Variants in MCF2L2 observed in about 807,000 individuals in gnomAD.
MCF2L2 encodes MCF.2 cell line derived transforming sequence-like 2.
MCF2L2 carries 102 observed loss-of-function variants against 150.2 expected under a neutral mutation model. That is an observed-to-expected ratio of 0.68 (90% confidence interval 0.58 to 0.80). MCF2L2 has a LOEUF of 0.80. Ranked by LOEUF, MCF2L2 falls within the 30% of genes least tolerant of loss-of-function variation. The probability of loss-of-function intolerance (pLI) is 0.00; values close to 1 mark genes in which losing one functional copy is unlikely to be tolerated. For missense variants in MCF2L2, 1,256 were observed against 1,372.8 expected, an observed-to-expected ratio of 0.91 and a Z score of 1.34; for synonymous variants, 465 against 491.3, an observed-to-expected ratio of 0.95 and a Z score of 0.71.
At chr3:183,271,502 C>T (rs965196331) in intron 15 of MCF2L2, 1 of 167,092 alleles carries the variant, frequency 6.0e-6, no homozygotes, top group African/African-American at 2.4e-5. Context: ...TCACGTCTTA[C>T]CACATCCATG....
chr3:183,395,917 C>CAAA (rs11338932), intron 1 of MCF2L2, among the ~76,000 whole-genome samples: 77 of 58,038 alleles, frequency 1.3e-3, no homozygotes, highest in African/African-American at 3.4e-3. Context: ...GACATCGTCT[C>CAAA]AAAAAAAAAA....
intron 1 of MCF2L2, among the ~76,000 whole-genome samples, chr3:183,405,293 G>T (rs1403618700): frequency 6.6e-6 from 1 of 152,128 alleles, no homozygotes; most frequent in Non-Finnish European, 1.5e-5. Context: ...ATTGAACAAT[G>T]AGCATGTATT....
chr3:183,219,754 G>A lies in MCF2L2; in HGVS notation c.2370+102C>T, dbSNP rs1411891979. On this transcript the variant is annotated intron_variant, in intron 21 of 29. Transcript: ENST00000328913. ...GATACATACTATTTTAGAAAATCTA[G>A]ATAATAAAGACCACCAAGTAAAATT... is the stretch of plus-strand genomic sequence containing the variant. 7 of 750,984 alleles carry A rather than the reference G, an allele frequency of 9.3e-6. No individual in the cohort carries two copies. In the East Asian group the frequency reaches 2.0e-4, roughly 21 times the overall value. The allele number at this position is 750,984 out of a possible 1,614,324, so 46.5% of individuals were successfully genotyped here. A position where few individuals can be genotyped will look rare whatever the true frequency, so the allele number is the denominator to read the frequency against.
chr3:183,399,999 T>A (rs1714655561), intron 1 of MCF2L2, among the ~76,000 whole-genome samples: 1 of 152,192 alleles, frequency 6.6e-6, no homozygotes, highest in South Asian at 2.1e-4. Context: ...TAAGTAGTTA[T>A]CTCATTGGTA....
intron 2 of MCF2L2, 128 bp downstream of exon 2, chr3:183,389,568 T>C (rs1027612961): frequency 1.9e-5 from 14 of 741,142 alleles, no homozygotes; most frequent in Non-Finnish European, 3.3e-5. Context: ...CAGCCTGTTC[T>C]AGTCCCGGGT....
intron 7 of MCF2L2, among the ~76,000 whole-genome samples, chr3:183,315,504 G>T (rs552364118): frequency 1.3e-5 from 2 of 152,132 alleles, no homozygotes; most frequent in Non-Finnish European, 2.9e-5. Flanking sequence ...TGGATAGGGG[G>T]TGTTTAACCA....
At chr3:183,344,147 C>CA (rs1577077870) in intron 3 of MCF2L2, among the ~76,000 whole-genome samples, 1 of 151,682 alleles carries the variant, frequency 6.6e-6, no homozygotes, top group African/African-American at 2.4e-5. Context: ...CCACCCCCCC[C>CA]AAAAAAAGTA....
intron 1 of MCF2L2, among the ~76,000 whole-genome samples, chr3:183,405,441 G>A (rs1714993946): frequency 6.6e-6 from 1 of 151,830 alleles, no homozygotes; most frequent in East Asian, 2.0e-4. Flanking sequence ...GACACAATCA[G>A]GATACAATAT....
chr3:183,286,128 TG>T (rs892541462), intron 14 of MCF2L2, among the ~76,000 whole-genome samples: 1 of 152,276 alleles, frequency 6.6e-6, no homozygotes. Flanking sequence ...AGAACCAGCA[TG>T]GCAAGGATCA....
intron 11 of MCF2L2, chr3:183,297,470 A>T (rs12696500): frequency 0.65 from 180,952 of 279,060 alleles, 57,997 homozygotes; most frequent in South Asian, 0.7. Flanking sequence ...ATATTTAATT[A>T]AAGACAGGGT....
rs373941574 is a variant in MCF2L2 at position 183,352,643 on chromosome 3, G to T, written c.276-11013C>A. Among the ~76,000 whole-genome samples the T allele has an allele frequency of 2.6e-5, 4 of 152,322 alleles. No individual in the cohort carries two copies. In the East Asian group the frequency reaches 7.7e-4, roughly 29 times the overall value. Reference sequence around the variant, plus strand: ...TCCACTGCACAGGAAAGCCAGCAAAGAACAGCGCTTTGAGGGACATCAGTA... The same window carrying T: ...TCCACTGCACAGGAAAGCCAGCAAATAACAGCGCTTTGAGGGACATCAGTA... On this transcript the variant is annotated intron_variant, in intron 3 of 29. Coordinates refer to ENST00000328913, the MANE Select transcript of MCF2L2 (RefSeq NM_015078.4).
At chr3:183,402,799 A>T (rs907454734) in intron 1 of MCF2L2, among the ~76,000 whole-genome samples, 1 of 152,042 alleles carries the variant, frequency 6.6e-6, no homozygotes, top group South Asian at 2.1e-4. Flanking sequence ...AGGCATTGCC[A>T]ATCAATGAAA....
At chr3:183,340,508 A>G (rs1057397360) in intron 4 of MCF2L2, among the ~76,000 whole-genome samples, 2 of 152,168 alleles carry the variant, frequency 1.3e-5, no homozygotes, top group Admixed American at 1.3e-4. Context: ...CTGAAAGACA[A>G]CAGATAGGGA....
At chr3:183,388,834 A>G (rs1713976258) in intron 2 of MCF2L2, among the ~76,000 whole-genome samples, 1 of 152,212 alleles carries the variant, frequency 6.6e-6, no homozygotes, top group Non-Finnish European at 1.5e-5. Flanking sequence ...AGCAGATTAA[A>G]TGTGATTTGG....
At chr3:183,412,047 T>TG (rs1237721578) in intron 1 of MCF2L2, among the ~76,000 whole-genome samples, 1 of 152,194 alleles carries the variant, frequency 6.6e-6, no homozygotes, top group African/African-American at 2.4e-5. Flanking sequence ...GAAGCCAGAA[T>TG]GCTAGAAGGA....
chr3:183,229,680 G>T lies in MCF2L2; in HGVS notation c.2031C>A (p.Tyr677Ter). Residue 677 changes from tyrosine to a stop codon, truncating the protein, a stop_gained, in exon 17 of 30, where the codon TAC becomes TAA. Coordinates refer to ENST00000328913, the MANE Select transcript of MCF2L2 (RefSeq NM_015078.4). LOFTEE classifies it high-confidence loss of function. ...TTATTATATACCTGTTGTGAAATTCGTAAAGTTCTCTAATATTCCCAAAGA... is the reference window on the plus strand; with the variant it reads ...TTATTATATACCTGTTGTGAAATTCTTAAAGTTCTCTAATATTCCCAAAGA... ...DFLFGNIRELYEFHNRTFLKE... is the reference protein window; with the variant it reads ...DFLFGNIREL The T allele has an allele frequency of 6.5e-7, 1 of 1,528,884 alleles. No homozygotes were observed. The allele number at this position is 1,528,884 out of a possible 1,614,324, so 94.7% of individuals were successfully genotyped here.
rs1730696408 is a variant in MCF2L2, at chr3:183,341,576, C to T, written c.330G>A (p.Lys110=). 6.2e-7 allele frequency: 1 copy of T among 1,614,002 alleles called. No homozygotes were observed. The highest frequency in any genetic ancestry group is 1.3e-5 in the African/African-American group (1 of 74,934). The part of the protein sequence containing the change: ...FIVVIDRRRD[K]WSSVKASLTR... ...TCAAGGATGCCTTTACGGAGCTCCA[C>T]TTGTCTCTTCGTCTGTCGATAACAA... The change falls in exon 4 of 30, where the codon AAG becomes AAA. Residue 110 remains lysine (K), a synonymous_variant. Coordinates refer to ENST00000328913, the MANE Select transcript of MCF2L2 (RefSeq NM_015078.4).
At chr3:183,276,992 T>C in intron 14 of MCF2L2, 35 bp from the exon 15 acceptor site, 2 of 1,353,030 alleles carry the variant, frequency 1.5e-6, no homozygotes, top group Non-Finnish European at 2.1e-6. Flanking sequence ...GATTTGATAT[T>C]GTAGGGACCT....
At chr3:183,223,462 C>T (rs1560351537) in intron 19 of MCF2L2, 24 bp from the exon 20 acceptor site, 4 of 1,555,578 alleles carry the variant, frequency 2.6e-6, no homozygotes, top group Non-Finnish European at 3.5e-6. Flanking sequence ...ATAGAAACAA[C>T]ATAAAGCAAA....
Sources: gnomAD v4.1 joint callset for allele counts (sites outside exome capture counted in the v4.1 genomes callset) on GRCh38, gnomAD v4.1.1 for gene constraint, MANE v1.5 for transcripts, NCBI Gene and HGNC (gene_info 2026-07-23, HGNC 2026-07-21) for gene names.